LYRM4: variants seen among roughly 807,000 people sequenced by gnomAD.
LYRM4 encodes LYR motif containing 4, also known as LYR motif-containing protein 4.
LYRM4 carries 9 observed loss-of-function variants against 11.7 expected under a neutral mutation model. That is an observed-to-expected ratio of 0.77 (90% CI 0.46 to 1.34). LYRM4 has a LOEUF of 1.34. Ranked by LOEUF, LYRM4 falls within the 40% of genes most tolerant of loss-of-function variation. The pLI, the probability that LYRM4 is intolerant of heterozygous loss-of-function variation, is 0.00. For missense variants in LYRM4, 133 were observed against 112.5 expected (o/e 1.18, Z -0.82); for synonymous variants, 42 against 40.4 (o/e 1.04, Z -0.15).
rs80085136 is a variant in LYRM4 at position 5,108,955 on chromosome 6, C to T, written c.*468G>A. 2.8e-3 allele frequency: 2,743 copies of T among 996,862 alleles called. 59 individuals carry two copies. The African/African-American group carries it at 0.043, about 16-fold the overall frequency. 61.8% of individuals were successfully genotyped at this position (996,862 alleles called of 1,614,324 possible). ...GTGCTTGAACTTGCCTTCACCAAGGCAGTTCTCGTCTCAGAGTTGAACCCT... is the reference window on the plus strand; with the variant it reads ...GTGCTTGAACTTGCCTTCACCAAGGTAGTTCTCGTCTCAGAGTTGAACCCT... On this transcript the variant is annotated 3_prime_UTR_variant, in exon 3 of 3. Coordinates refer to ENST00000330636, the MANE Select transcript of LYRM4 (RefSeq NM_020408.6).
At chr6:5,179,616 G>A (rs1226136895) in intron 2 of LYRM4, among the ~76,000 whole-genome samples, 1 of 152,060 alleles carries the variant, frequency 6.6e-6, no homozygotes, top group African/African-American at 2.4e-5. Context: ...TCCTTTTTAA[G>A]GCTGCATAAT....
intron 1 of LYRM4, among the ~76,000 whole-genome samples, chr6:5,250,701 C>T (rs1764389020): frequency 6.8e-6 from 1 of 147,170 alleles, no homozygotes; most frequent in East Asian, 2.0e-4. Flanking sequence ...ATATGAAATC[C>T]AGTAATATAA....
intron 2 of LYRM4, among the ~76,000 whole-genome samples, chr6:5,212,272 T>C (rs1329153711): frequency 1.3e-5 from 2 of 152,238 alleles, no homozygotes; most frequent in African/African-American, 4.8e-5. Context: ...AACTAACGCC[T>C]TGCAAATAGG....
intron 2 of LYRM4, among the ~76,000 whole-genome samples, chr6:5,182,464 A>G (rs1456907026): frequency 1.3e-5 from 2 of 152,268 alleles, no homozygotes; most frequent in African/African-American, 2.4e-5. Context: ...GTTTAACAAA[A>G]ATTCATTTTA....
chr6:5,225,247 C>CAAAAA (rs35803077), intron 1 of LYRM4, among the ~76,000 whole-genome samples: 17 of 76,896 alleles, frequency 2.2e-4, no homozygotes, highest in African/African-American at 7.6e-4. Context: ...GACTCCGAAT[C>CAAAAA]AAAAAAAAAA....
the LYRM4 span, among the ~76,000 whole-genome samples, chr6:5,072,525 G>C: frequency 6.6e-6 from 1 of 151,278 alleles, no homozygotes; most frequent in Non-Finnish European, 1.5e-5. Context: ...CATTCTGACT[G>C]GTGTGAGATG....
chr6:5,224,007 A>C (rs924739495), intron 1 of LYRM4, among the ~76,000 whole-genome samples: 4 of 152,182 alleles, frequency 2.6e-5, no homozygotes, highest in Admixed American at 6.5e-5. Flanking sequence ...AGCTTCCAGC[A>C]AGGACCACCA....
At position 5,108,749 on chromosome 6, in the gene LYRM4, G is replaced by A. The variant is rs998658385; in HGVS notation, c.*674C>T. ...ATTCACCAGGTGTGGGGAGGGGCTT[G>A]AGCCTGCATTTCCAGCAAATTCCCA... is the stretch of plus-strand genomic sequence containing the variant. On this transcript the variant is annotated 3_prime_UTR_variant, in exon 3 of 3. Coordinates refer to ENST00000330636, the MANE Select transcript of LYRM4 (RefSeq NM_020408.6). 7 of 978,970 alleles carry A rather than the reference G, an allele frequency of 7.2e-6. No individual in the cohort carries two copies. The highest frequency in any genetic ancestry group is 8.5e-6 in the Non-Finnish European group (7 of 823,674). The allele number at this position is 978,970 out of a possible 1,614,324, so 60.6% of individuals were successfully genotyped here. A position where few individuals can be genotyped will look rare whatever the true frequency, so the allele number is the denominator to read the frequency against.
In LYRM4 at chr6:5,245,618, T is replaced by C. The variant is rs143029751; in HGVS notation, c.86+15030A>G. 6.8e-4 allele frequency among the ~76,000 whole-genome samples: 104 copies of C among 152,282 alleles called. 1 individual carries two copies. The highest frequency in any genetic ancestry group is 2.3e-3 in the African/African-American group (96 of 41,554). On this transcript the variant is annotated intron_variant, in intron 1 of 2. Transcript: ENST00000330636. ...CCCCACAAGCTGTCTGGCATTGATA[T>C]TGGGCTGACAGTACTGAGCAAAAGC...
chr6:5,131,671 G>GCCTT lies in LYRM4; in HGVS notation c.208-22181_208-22180insAAGG, dbSNP rs748744005. On this transcript the variant is annotated intron_variant, in intron 2 of 2. Transcript: ENST00000330636. ...AAGTCTGAAAAGGCTCAAACCAGTA[G>GCCTT]ATATTTTAATCTCTTCTATGGTAAT... Among the ~76,000 whole-genome samples, 216 of 152,298 alleles carry GCCTT rather than the reference G, an allele frequency of 1.4e-3. 2 individuals carry two copies. The highest frequency in any genetic ancestry group is 1.6e-3 in the Non-Finnish European group (108 of 68,030).
the LYRM4 span, among the ~76,000 whole-genome samples, chr6:5,068,856 A>G: frequency 6.6e-6 from 1 of 152,222 alleles, no homozygotes; most frequent in African/African-American, 2.4e-5. This position sits in a 1 kb window ranked among gnomAD's most constrained non-coding sequence, Gnocchi z 4.0. Context: ...GTGCCTATAA[A>G]CTTTGTGTAA....
At chr6:5,069,370 TA>T in the LYRM4 span, among the ~76,000 whole-genome samples, 40,718 of 148,892 alleles carry the variant, frequency 0.27, 5,686 homozygotes, top group Middle Eastern at 0.34. Context: ...CATGTTAACA[TA>T]AAAAAAAAAC....
chr6:5,050,335 T>TA, the LYRM4 span, among the ~76,000 whole-genome samples: 1 of 152,192 alleles, frequency 6.6e-6, no homozygotes, highest in South Asian at 2.1e-4. Context: ...AAGGTGGGTG[T>TA]AAGGACCCTA....
In LYRM4 at chr6:5,158,170, CATGT is replaced by C. The variant is rs547656001; in HGVS notation, c.208-48683_208-48680del. Among the ~76,000 whole-genome samples the C allele has an allele frequency of 3.0e-3, 461 of 152,318 alleles. 1 individual carries two copies. The highest frequency in any genetic ancestry group is 0.02 in the Middle Eastern group (6 of 294). ...ATTTATGCATGCATGTGAATGCATG[CATGT>C]ATGTTCACAGTATGCATGCATATAC... is the stretch of plus-strand genomic sequence containing the variant. On this transcript the variant is annotated intron_variant, in intron 2 of 2. Coordinates refer to ENST00000330636, the MANE Select transcript of LYRM4 (RefSeq NM_020408.6).
chr6:5,089,181 A>G, the LYRM4 span: 2 of 152,230 alleles, frequency 1.3e-5, no homozygotes, highest in African/African-American at 2.4e-5. Context: ...TATGCTTATA[A>G]AAACTTTGAC....
chr6:5,252,950 G>T (rs953099823), intron 1 of LYRM4, among the ~76,000 whole-genome samples: 9 of 152,108 alleles, frequency 5.9e-5, no homozygotes, highest in South Asian at 2.1e-4. Flanking sequence ...CCCTGTGTAA[G>T]GGCTTCCTAT....
At chr6:5,225,306 T>G (rs917025383) in intron 1 of LYRM4, among the ~76,000 whole-genome samples, 1 of 148,856 alleles carries the variant, frequency 6.7e-6, no homozygotes, top group African/African-American at 2.5e-5. Context: ...GTAAAAAAGA[T>G]GTAAGGTGGA....
chr6:5,128,105 G>A (rs1763779911), intron 2 of LYRM4, among the ~76,000 whole-genome samples: 1 of 152,210 alleles, frequency 6.6e-6, no homozygotes, highest in Non-Finnish European at 1.5e-5. Context: ...GGACGAGGAA[G>A]AGTCTGGGCA....
At chr6:5,160,660 C>T (rs970667761) in intron 2 of LYRM4, among the ~76,000 whole-genome samples, 14 of 151,966 alleles carry the variant, frequency 9.2e-5, no homozygotes, top group Non-Finnish European at 1.3e-4. Flanking sequence ...AGACCCCCCC[C>T]CCAGCAATGT....
Sources: allele counts gnomAD v4.1 joint callset (sites outside exome capture counted in the v4.1 genomes callset), GRCh38; gene constraint gnomAD v4.1.1; non-coding constraint Gnocchi (gnomAD v3.1); transcripts MANE v1.5; gene names NCBI Gene and HGNC (gene_info 2026-07-23, HGNC 2026-07-21).